The following TRIP4 variants were observed in gnomAD, a reference collection of about 807,000 sequenced individuals.
TRIP4 encodes activating signal cointegrator 1.
A neutral mutation model predicts 81.8 loss-of-function variants in TRIP4; 54 were observed. That is an observed-to-expected ratio of 0.66 (90% CI 0.53 to 0.83). TRIP4 has a LOEUF of 0.83. Ranked by LOEUF, TRIP4 falls within the 40% of genes least tolerant of loss-of-function variation. The probability of loss-of-function intolerance (pLI) is 0.00; values close to 1 mark genes in which losing one functional copy is unlikely to be tolerated. For missense variants in TRIP4, 662 were observed against 683.6 expected (o/e 0.97, Z 0.35); for synonymous variants, 270 against 242.8 (o/e 1.11, Z -1.04).
chr15:64,436,763 CTTTTTT>C (rs71133433), intron 11 of TRIP4, among the ~76,000 whole-genome samples: 31 of 21,416 alleles, frequency 1.4e-3, no homozygotes, highest in African/African-American at 6.9e-3. Context: ...CCATCTATGC[CTTTTTT>C]TTTTTTTTTT....
chr15:64,423,626 C>T (rs1892068508), intron 9 of TRIP4, among the ~76,000 whole-genome samples: 2 of 152,036 alleles, frequency 1.3e-5, no homozygotes, highest in Non-Finnish European at 2.9e-5. Context: ...AACAAATCAA[C>T]TAATCTTCTA....
intron 8 of TRIP4, among the ~76,000 whole-genome samples, chr15:64,415,348 T>C (rs1891871444): frequency 6.6e-6 from 1 of 152,186 alleles, no homozygotes; most frequent in South Asian, 2.1e-4. Flanking sequence ...TATGGACTGA[T>C]AAGTGTATTA....
rs767605216 is a variant in TRIP4, at chr15:64,409,765, C to T, written c.980C>T (p.Thr327Ile). ...GCCTCTCGACTTTCTAAGAAGGTCACCATTGACTTTGCAGGAAGGAAGATC... is the reference window on the plus strand; with the variant it reads ...GCCTCTCGACTTTCTAAGAAGGTCATCATTGACTTTGCAGGAAGGAAGATC... ...RHASRLSKKV[T>I]IDFAGRKILE... The change falls in exon 7 of 13, where the codon ACC becomes ATC. Residue 327 changes from threonine (T) to isoleucine (I), a missense_variant. Coordinates refer to ENST00000261884, the MANE Select transcript of TRIP4 (RefSeq NM_016213.5). 3.1e-6 allele frequency: 5 copies of T among 1,613,928 alleles called. No homozygotes were observed. The African/African-American group carries it at 6.7e-5, about 22-fold the overall frequency.
At chr15:64,436,289 C>T (rs967359639) in intron 11 of TRIP4, among the ~76,000 whole-genome samples, 4 of 150,186 alleles carry the variant, frequency 2.7e-5, no homozygotes, top group Admixed American at 1.3e-4. Context: ...AACGACACTC[C>T]GTCTCAAAAG....
intron 6 of TRIP4, among the ~76,000 whole-genome samples, chr15:64,407,737 C>G (rs779090482): frequency 3.9e-5 from 6 of 152,046 alleles, no homozygotes; most frequent in Non-Finnish European, 7.4e-5. Flanking sequence ...AAAAGGGTCT[C>G]TCCCTATTGT....
At chr15:64,411,729 G>T (rs1432096038) in intron 7 of TRIP4, among the ~76,000 whole-genome samples, 1 of 151,374 alleles carries the variant, frequency 6.6e-6, no homozygotes, top group Admixed American at 6.6e-5. Context: ...GCCCAGGCTG[G>T]AGTGCAGTGG....
intron 9 of TRIP4, among the ~76,000 whole-genome samples, chr15:64,419,459 C>T (rs758424258): frequency 1.6e-4 from 24 of 150,344 alleles, no homozygotes; most frequent in Non-Finnish European, 2.7e-4. Flanking sequence ...CCCAGGTTCA[C>T]GCCATTCTCC....
At position 64,425,592 on chromosome 15, in the gene TRIP4, C is replaced by T; in HGVS notation, c.1536C>T (p.Asp512=). The change falls in exon 11 of 13, where the codon GAC becomes GAT. Residue 512 remains aspartate (D), a synonymous_variant. Coordinates refer to ENST00000261884, the MANE Select transcript of TRIP4 (RefSeq NM_016213.5). The part of the protein sequence containing the change: ...YPSGCLLGCV[D]LIDCLSQKQF... ...CAGGTTGTCTTCTGGGCTGTGTGGA[C>T]CTAATTGACTGCTTGTCCCAGAAGC... is the stretch of plus-strand genomic sequence containing the variant. 1.2e-6 allele frequency: 2 copies of T among 1,612,458 alleles called. No individual in the cohort carries two copies. The highest frequency in any genetic ancestry group is 1.7e-6 in the Non-Finnish European group (2 of 1,179,212).
intron 12 of TRIP4, among the ~76,000 whole-genome samples, chr15:64,452,935 C>T (rs1411765245): frequency 1.3e-5 from 2 of 152,058 alleles, no homozygotes; most frequent in Non-Finnish European, 2.9e-5. Context: ...AATCCCAGCA[C>T]TTTGGGAGGC....
At chr15:64,390,426 A>C (rs1411343457) in intron 1 of TRIP4, among the ~76,000 whole-genome samples, 1 of 151,234 alleles carries the variant, frequency 6.6e-6, no homozygotes, top group Non-Finnish European at 1.5e-5. Context: ...GCACCACTGC[A>C]CTCCATCCTG....
At chr15:64,400,549 A>G (rs1413644341) in intron 4 of TRIP4, among the ~76,000 whole-genome samples, 194 bp from the exon 5 acceptor site, 4 of 151,650 alleles carry the variant, frequency 2.6e-5, no homozygotes, top group African/African-American at 9.7e-5. Context: ...TTTGGGTCAT[A>G]AAAAAGAAAT....
intron 9 of TRIP4, among the ~76,000 whole-genome samples, chr15:64,420,417 G>A (rs1314898588): frequency 1.3e-5 from 2 of 152,188 alleles, no homozygotes; most frequent in East Asian, 1.9e-4. Flanking sequence ...CAATGCGCCC[G>A]GCTGTTTCTA....
At chr15:64,436,824 A>G (rs1453345268) in intron 11 of TRIP4, among the ~76,000 whole-genome samples, 1 of 105,334 alleles carries the variant, frequency 9.5e-6, no homozygotes, top group Non-Finnish European at 1.7e-5. Context: ...GCCTGGCTGG[A>G]GTGCAGTGGC....
intron 11 of TRIP4, among the ~76,000 whole-genome samples, chr15:64,438,010 G>A (rs1892440225): frequency 6.6e-6 from 1 of 152,244 alleles, no homozygotes; most frequent in South Asian, 2.1e-4. Flanking sequence ...TACTGGATAT[G>A]AAGGGTGAGA....
At chr15:64,426,823 AC>A (rs1892158987) in intron 11 of TRIP4, among the ~76,000 whole-genome samples, 1 of 151,814 alleles carries the variant, frequency 6.6e-6, no homozygotes, top group South Asian at 2.1e-4. Context: ...ACACGGTCAA[AC>A]CCCATCTCTA....
intron 11 of TRIP4, among the ~76,000 whole-genome samples, chr15:64,441,645 C>A (rs896306998): frequency 2.6e-5 from 4 of 152,036 alleles, no homozygotes; most frequent in African/African-American, 9.7e-5. Context: ...TAGTGCCGGG[C>A]ACTTGTAGTC....
At chr15:64,433,637 A>C (rs1219075651) in intron 11 of TRIP4, among the ~76,000 whole-genome samples, 2 of 152,152 alleles carry the variant, frequency 1.3e-5, no homozygotes, top group Non-Finnish European at 2.9e-5. Flanking sequence ...ATGTAATGTC[A>C]GTTAATGGTA....
chr15:64,404,790 A>G (rs1159635164), intron 5 of TRIP4, among the ~76,000 whole-genome samples: 7 of 152,036 alleles, frequency 4.6e-5, no homozygotes, highest in Non-Finnish European at 1.0e-4. Context: ...TACTGCAGCA[A>G]TTCTCCTGCC....
At chr15:64,423,461 CAAAAAAAA>C (rs58166289) in intron 9 of TRIP4, among the ~76,000 whole-genome samples, 3 of 71,092 alleles carry the variant, frequency 4.2e-5, no homozygotes, top group African/African-American at 5.9e-5. Context: ...GACTCCGTCT[CAAAAAAAA>C]AAAAAAAAAA....
Sources: allele counts gnomAD v4.1 joint callset (sites outside exome capture counted in the v4.1 genomes callset), GRCh38; gene constraint gnomAD v4.1.1; transcripts MANE v1.5; gene names NCBI Gene and HGNC (gene_info 2026-07-23, HGNC 2026-07-21).